Variants in SLIT2 observed in about 807,000 individuals in gnomAD.
The protein encoded by SLIT2 is slit guidance ligand 2, also known as slit homolog 2 protein.
SLIT2 carries 41 observed loss-of-function variants against 185.7 expected under a neutral mutation model. The observed-to-expected ratio is 0.22, with a 90% CI of 0.17 to 0.29. SLIT2 has a LOEUF of 0.29. SLIT2 is among the 10% of genes least tolerant of loss of function. SLIT2 has a pLI of 1.00. For synonymous variants in SLIT2, 693 were observed against 680.2 expected (o/e 1.02, Z -0.29); for missense variants, 1,571 against 1,909.0 (o/e 0.82, Z 3.30).
intron 3 of SLIT2, among the ~76,000 whole-genome samples, chr4:20,263,219 G>C (rs1712674560): frequency 6.6e-6 from 1 of 151,646 alleles, no homozygotes. Context: ...CATATATATT[G>C]CCATTATGTT....
Position 20,533,583 on chromosome 4 carries a change from A to G in SLIT2, c.1700A>G (p.Asn567Ser). The change falls in exon 18 of 37, where the codon AAC (asparagine) becomes AGC (serine). Residue 567 changes from asparagine to serine, a missense_variant. Asn to Ser is a conservative substitution (Grantham distance 46, BLOSUM62 1). This residue lies in a region of SLIT2 where 1,202 missense variants were observed against 1,416.4 expected (regional missense o/e 0.85). Transcript: ENST00000504154. ...CAATTTTTATTTAGAAACTTTAGCAACAATAAGATCACAGATATTGAGGAG... is the reference window on the plus strand; with the variant it reads ...CAATTTTTATTTAGAAACTTTAGCAGCAATAAGATCACAGATATTGAGGAG... ...LPQLRKINFS[N>S]NKITDIEEGA... is the part of the protein sequence containing the mutation. The G allele has an allele frequency of 6.2e-7, 1 of 1,607,414 alleles. No individual in the cohort carries two copies. The highest frequency in any genetic ancestry group is 8.5e-7 in the Non-Finnish European group (1 of 1,176,372).
At chr4:20,450,790 T>C (rs1020737410) in intron 4 of SLIT2, among the ~76,000 whole-genome samples, 6 of 152,186 alleles carry the variant, frequency 3.9e-5, no homozygotes, top group African/African-American at 1.4e-4. Flanking sequence ...ATCCAACACT[T>C]GGTTTGGAGT....
chr4:20,600,780 C>A (rs1056240078), intron 33 of SLIT2, among the ~76,000 whole-genome samples: 2 of 151,868 alleles, frequency 1.3e-5, no homozygotes, highest in African/African-American at 4.8e-5. Context: ...TTAATTATTG[C>A]CTTTTGGCTT....
At chr4:20,574,735 C>T (rs1017537377) in intron 29 of SLIT2, among the ~76,000 whole-genome samples, 2 of 145,164 alleles carry the variant, frequency 1.4e-5, no homozygotes, top group Non-Finnish European at 3.0e-5. Flanking sequence ...TGCAGTGAGC[C>T]GAGATTGTGC....
intron 4 of SLIT2, among the ~76,000 whole-genome samples, chr4:20,451,864 C>T (rs1052445291): frequency 3.9e-5 from 6 of 152,082 alleles, no homozygotes; most frequent in African/African-American, 1.4e-4. Flanking sequence ...TGCAGTTCTC[C>T]ACCAATTTAT....
intron 4 of SLIT2, among the ~76,000 whole-genome samples, chr4:20,310,070 T>G (rs915780972): frequency 6.6e-6 from 1 of 152,080 alleles, no homozygotes; most frequent in South Asian, 2.1e-4. Flanking sequence ...CCCTCTAGTC[T>G]CTTATCAGAT....
chr4:20,357,193 TG>T (rs1242019147), intron 4 of SLIT2, among the ~76,000 whole-genome samples: 1 of 152,110 alleles, frequency 6.6e-6, no homozygotes, highest in Non-Finnish European at 1.5e-5. Context: ...CTCCTTTAAT[TG>T]GGGGAAGTTT....
intron 4 of SLIT2, among the ~76,000 whole-genome samples, chr4:20,273,878 T>G (rs550379846): frequency 2.0e-5 from 3 of 152,288 alleles, no homozygotes; most frequent in African/African-American, 7.2e-5. Context: ...CGTTTCCTGC[T>G]TCATTTTACT....
Position 20,281,113 on chromosome 4 carries a change from G to T in SLIT2, c.395+12232G>T, listed in dbSNP as rs191168937. ...CTCCCAAAGTGCTGGGATTACAGGC[G>T]TGAGCCACTGCACCCAGCTGGTTAA... On this transcript the variant is annotated intron_variant, in intron 4 of 36. Coordinates refer to ENST00000504154, the MANE Select transcript of SLIT2 (RefSeq NM_004787.4). Among the ~76,000 whole-genome samples the T allele has an allele frequency of 2.5e-4, 38 of 152,198 alleles. No homozygotes were observed. In the East Asian group the frequency reaches 5.6e-3, roughly 23 times the overall value.
chr4:20,354,831 T>C (rs1018438713), intron 4 of SLIT2, among the ~76,000 whole-genome samples: 7 of 151,268 alleles, frequency 4.6e-5, no homozygotes, highest in African/African-American at 1.7e-4. Flanking sequence ...TACAATTACT[T>C]TGAGAATTTT....
At chr4:20,378,476 CA>C (rs1724216760) in intron 4 of SLIT2, among the ~76,000 whole-genome samples, 1 of 151,994 alleles carries the variant, frequency 6.6e-6, no homozygotes, top group Non-Finnish European at 1.5e-5. Context: ...CATGGAGTTT[CA>C]GAAGATTTTG....
chr4:20,509,714 G>T (rs1001264866), intron 9 of SLIT2, among the ~76,000 whole-genome samples: 1 of 152,166 alleles, frequency 6.6e-6, no homozygotes, highest in Non-Finnish European at 1.5e-5. Flanking sequence ...TGTACCAAAA[G>T]ACTTCATGCA....
At chr4:20,293,928 CTT>C (rs568979024) in intron 4 of SLIT2, among the ~76,000 whole-genome samples, 1 of 146,318 alleles carries the variant, frequency 6.8e-6, no homozygotes, top group African/African-American at 2.5e-5. Flanking sequence ...TCCTTTTTTA[CTT>C]TTTTTTTTTT....
intron 4 of SLIT2, among the ~76,000 whole-genome samples, chr4:20,408,987 A>T (rs1726993204): frequency 6.8e-6 from 1 of 148,030 alleles, no homozygotes; most frequent in Non-Finnish European, 1.5e-5. Flanking sequence ...ATGCATTTGC[A>T]TGTAATTTCT....
At chr4:20,365,710 G>A (rs1352981968) in intron 4 of SLIT2, among the ~76,000 whole-genome samples, 2 of 152,090 alleles carry the variant, frequency 1.3e-5, no homozygotes, top group Non-Finnish European at 2.9e-5. Flanking sequence ...TGAAAGAACT[G>A]TGCCTGCCAC....
At chr4:20,396,129 G>A (rs1026241614) in intron 4 of SLIT2, among the ~76,000 whole-genome samples, 1 of 151,696 alleles carries the variant, frequency 6.6e-6, no homozygotes, top group Non-Finnish European at 1.5e-5. Flanking sequence ...TTGGATAATG[G>A]CATTGTTCTA....
At chr4:20,395,218 TA>T (rs1177586583) in intron 4 of SLIT2, among the ~76,000 whole-genome samples, 1 of 151,968 alleles carries the variant, frequency 6.6e-6, no homozygotes, top group African/African-American at 2.4e-5. Flanking sequence ...AATTAGAAGG[TA>T]AATCCTGGGC....
At chr4:20,576,077 A>G (rs566345733) in intron 29 of SLIT2, among the ~76,000 whole-genome samples, 1 of 152,330 alleles carries the variant, frequency 6.6e-6, no homozygotes, top group East Asian at 1.9e-4. Context: ...GAATTGGTAA[A>G]TGTCTATACT....
chr4:20,325,601 A>G (rs1719509942), intron 4 of SLIT2, among the ~76,000 whole-genome samples: 1 of 152,142 alleles, frequency 6.6e-6, no homozygotes, highest in Admixed American at 6.6e-5. Flanking sequence ...AGCATACCTA[A>G]CGCATGTACT....
Sources: gnomAD v4.1 joint callset for allele counts (sites outside exome capture counted in the v4.1 genomes callset) on GRCh38, gnomAD v4.1.1 for gene constraint, gnomAD v4.1.1 regional missense constraint, MANE v1.5 for transcripts, NCBI Gene and HGNC (gene_info 2026-07-23, HGNC 2026-07-21) for gene names.